Variants in UBAC2 observed in about 807,000 individuals in gnomAD.
UBAC2 encodes ubiquitin-associated domain-containing protein 2.
UBAC2 carries 26 observed loss-of-function variants against 44.0 expected under a neutral mutation model. The ratio of observed to expected loss-of-function variants is 0.59; its 90% CI spans 0.43 to 0.82. UBAC2 has a LOEUF of 0.82. Ranked by LOEUF, UBAC2 falls within the 40% of genes least tolerant of loss-of-function variation. UBAC2 has a pLI of 0.00. For synonymous variants in UBAC2, 155 were observed against 154.3 expected (o/e 1.00, Z -0.04); for missense variants, 329 against 419.4 (o/e 0.78, Z 1.88).
chr13:99,234,605 C>T (rs1380814080), intron 1 of UBAC2, among the ~76,000 whole-genome samples: 2 of 152,188 alleles, frequency 1.3e-5, no homozygotes, highest in Non-Finnish European at 2.9e-5. Context: ...CAATGACAAG[C>T]ATCAGTAAGT....
chr13:99,266,326 CACATAAAAT>C (rs1332385443), intron 4 of UBAC2, among the ~76,000 whole-genome samples: 2 of 151,874 alleles, frequency 1.3e-5, no homozygotes, highest in Non-Finnish European at 2.9e-5. Context: ...TCTTGGGCCA[CACATAAAAT>C]ACACTAACAC....
intron 1 of UBAC2, chr13:99,215,482 C>A: frequency 2.1e-6 from 3 of 1,427,562 alleles, no homozygotes; most frequent in Non-Finnish European, 3.0e-6. Flanking sequence ...TTCATCTGCA[C>A]GAATAGCAAG....
At chr13:99,289,616 CT>C (rs796842817) in intron 4 of UBAC2, among the ~76,000 whole-genome samples, 7 of 149,478 alleles carry the variant, frequency 4.7e-5, no homozygotes, top group South Asian at 2.1e-4. Context: ...GTGTATTGGT[CT>C]TTTTTTTTTC....
At chr13:99,300,208 C>T (rs2044238137) in intron 4 of UBAC2, among the ~76,000 whole-genome samples, 2 of 152,238 alleles carry the variant, frequency 1.3e-5, no homozygotes, top group African/African-American at 2.4e-5. Context: ...CAAGGGTAGC[C>T]TGTTGAGGGT....
intron 4 of UBAC2, among the ~76,000 whole-genome samples, chr13:99,300,044 A>T (rs905931205): frequency 6.6e-6 from 1 of 152,194 alleles, no homozygotes; most frequent in African/African-American, 2.4e-5. Context: ...CTAGGCTCTA[A>T]GGGCCATCCT....
chr13:99,299,856 T>C (rs1407296694), intron 4 of UBAC2, among the ~76,000 whole-genome samples: 4 of 152,334 alleles, frequency 2.6e-5, no homozygotes, highest in African/African-American at 9.6e-5. Context: ...ATCAATTTTA[T>C]ATTTTGCACA....
chr13:99,304,039 C>T (rs1482523413), intron 4 of UBAC2, among the ~76,000 whole-genome samples: 1 of 152,110 alleles, frequency 6.6e-6, no homozygotes, highest in Non-Finnish European at 1.5e-5. Flanking sequence ...AGCAGCTTCC[C>T]GCCAGGCTCT....
intron 4 of UBAC2, among the ~76,000 whole-genome samples, chr13:99,246,717 CT>C (rs1190502827): frequency 6.6e-6 from 1 of 152,232 alleles, no homozygotes; most frequent in African/African-American, 2.4e-5. Context: ...CTTTTGCTTA[CT>C]CTCAGAAGAG....
intron 8 of UBAC2, among the ~76,000 whole-genome samples, chr13:99,372,929 A>G (rs1029516484): frequency 6.6e-6 from 1 of 152,102 alleles, no homozygotes; most frequent in Non-Finnish European, 1.5e-5. Context: ...CCCGGCTAGC[A>G]TGGTGAAACC....
intron 4 of UBAC2, chr13:99,296,206 T>C (rs767666705): frequency 1.3e-4 from 195 of 1,471,886 alleles, no homozygotes; most frequent in Non-Finnish European, 1.7e-4. Flanking sequence ...AAAGCATATG[T>C]ATTCAGTTTG....
intron 4 of UBAC2, 88 bp from the exon 5 acceptor site, chr13:99,314,009 A>G (rs758227453): frequency 1.6e-4 from 200 of 1,270,610 alleles, no homozygotes; most frequent in Non-Finnish European, 2.1e-4. Context: ...CTGAAATAAA[A>G]TTATAAGCAG....
At chr13:99,332,180 A>G (rs1179836359) in intron 6 of UBAC2, among the ~76,000 whole-genome samples, 6 of 152,210 alleles carry the variant, frequency 3.9e-5, no homozygotes, top group Non-Finnish European at 5.9e-5. Context: ...ACAGTTGGCC[A>G]AAGAAAGCAA....
At chr13:99,344,944 A>G (rs903071378) in intron 7 of UBAC2, among the ~76,000 whole-genome samples, 1 of 152,252 alleles carries the variant, frequency 6.6e-6, no homozygotes, top group African/African-American at 2.4e-5. Context: ...ATAGATGAGC[A>G]TCCAAGAAAC....
At chr13:99,270,299 G>A (rs1434652602) in intron 4 of UBAC2, among the ~76,000 whole-genome samples, 1 of 152,124 alleles carries the variant, frequency 6.6e-6, no homozygotes, top group Non-Finnish European at 1.5e-5. Flanking sequence ...AGGGCATATG[G>A]TAATATTGTT....
At chr13:99,251,597 G>A (rs1000465849) in intron 4 of UBAC2, among the ~76,000 whole-genome samples, 2 of 152,076 alleles carry the variant, frequency 1.3e-5, no homozygotes, top group South Asian at 2.1e-4. Flanking sequence ...TAAAATGCAG[G>A]CTTAACCACA....
chr13:99,280,265 C>T (rs1203385662), intron 4 of UBAC2, among the ~76,000 whole-genome samples: 1 of 152,220 alleles, frequency 6.6e-6, no homozygotes, highest in Non-Finnish European at 1.5e-5. Context: ...TTCCCAGCCT[C>T]ATTTTCTGTC....
intron 4 of UBAC2, among the ~76,000 whole-genome samples, chr13:99,310,708 G>T (rs967989376): frequency 6.6e-6 from 1 of 152,082 alleles, no homozygotes; most frequent in Admixed American, 6.5e-5. Context: ...ACTTCTATTG[G>T]TATGTGAAAT....
At chr13:99,252,092 G>A (rs1055137425) in intron 4 of UBAC2, among the ~76,000 whole-genome samples, 1 of 152,170 alleles carries the variant, frequency 6.6e-6, no homozygotes, top group African/African-American at 2.4e-5. Flanking sequence ...CTCCTCATCT[G>A]ACCACCAGCT....
chr13:99,326,097 T>C (rs2138795066), intron 6 of UBAC2, among the ~76,000 whole-genome samples: 1 of 152,350 alleles, frequency 6.6e-6, no homozygotes, highest in African/African-American at 2.4e-5. Context: ...TTTTTAATTT[T>C]TTGAGGAACC....
Sources: gnomAD v4.1 joint callset for allele counts (sites outside exome capture counted in the v4.1 genomes callset) on GRCh38, gnomAD v4.1.1 for gene constraint, MANE v1.5 for transcripts, NCBI Gene and HGNC (gene_info 2026-07-23, HGNC 2026-07-21) for gene names.